The following FANCC variants were observed in gnomAD, a reference collection of about 807,000 sequenced individuals.
FANCC encodes Fanconi anemia group C protein.
A neutral mutation model predicts 71.3 loss-of-function variants in FANCC; 55 were observed. The ratio of observed to expected loss-of-function variants is 0.77; its 90% confidence interval spans 0.62 to 0.97. FANCC has a LOEUF of 0.97. Among genes scored for constraint, FANCC ranks in the 50% least tolerant of loss-of-function variants. FANCC has a pLI of 0.00. For synonymous variants in FANCC, 275 were observed against 244.9 expected (o/e 1.12, Z -1.15); for missense variants, 678 against 670.9 (o/e 1.01, Z -0.12).
chr9:95,151,094 C>T (rs1830144768), intron 6 of FANCC, among the ~76,000 whole-genome samples: 1 of 152,180 alleles, frequency 6.6e-6, no homozygotes, highest in Admixed American at 6.5e-5. Context: ...CAGAAAGCGC[C>T]ACTGGACACT....
At chr9:95,220,079 A>G (rs984066730) in intron 4 of FANCC, among the ~76,000 whole-genome samples, 1 of 152,246 alleles carries the variant, frequency 6.6e-6, no homozygotes, top group Admixed American at 6.5e-5. Flanking sequence ...ACACTTCTCA[A>G]AAGAACACAT....
chr9:95,190,521 T>C (rs1175566455), intron 4 of FANCC, among the ~76,000 whole-genome samples: 1 of 152,198 alleles, frequency 6.6e-6, no homozygotes, highest in Admixed American at 6.5e-5. Flanking sequence ...CTGGCTTCTA[T>C]CCCTACCAGT....
rs144075393 is a variant in FANCC, at chr9:95,203,440, C to T, written c.346-31293G>A. Reference sequence around the variant, plus strand: ...AGACAGTTCATTAAAACCTCGTAACCGCAGGCTAATTTCACTACATTTTAT... The same window carrying T: ...AGACAGTTCATTAAAACCTCGTAACTGCAGGCTAATTTCACTACATTTTAT... On this transcript the variant is annotated intron_variant, in intron 4 of 14. Coordinates refer to ENST00000289081, the MANE Select transcript of FANCC (RefSeq NM_000136.3). 6.0e-4 allele frequency among the ~76,000 whole-genome samples: 91 copies of T among 150,654 alleles called. 1 individual carries two copies. The highest frequency in any genetic ancestry group is 2.1e-3 in the African/African-American group (87 of 41,020).
At chr9:95,268,599 T>C (rs1588390125) in intron 1 of FANCC, among the ~76,000 whole-genome samples, 1 of 152,348 alleles carries the variant, frequency 6.6e-6, no homozygotes, top group East Asian at 1.9e-4. Flanking sequence ...GGAACTTTGA[T>C]TTGAGGAATC....
intron 6 of FANCC, among the ~76,000 whole-genome samples, chr9:95,158,968 A>G (rs1471208441): frequency 1.3e-5 from 2 of 152,248 alleles, no homozygotes; most frequent in African/African-American, 4.8e-5. Context: ...AACTAAGGAC[A>G]CGGATGTCCT....
chr9:95,224,770 G>C (rs1224263382), intron 4 of FANCC, among the ~76,000 whole-genome samples: 4 of 152,116 alleles, frequency 2.6e-5, no homozygotes, highest in Non-Finnish European at 5.9e-5. Flanking sequence ...CTCACTGGCA[G>C]AGCCAGGACA....
At chr9:95,265,257 G>T (rs994396348) in intron 1 of FANCC, among the ~76,000 whole-genome samples, 5 of 152,114 alleles carry the variant, frequency 3.3e-5, no homozygotes, top group African/African-American at 1.2e-4. Context: ...TTCAATCCAG[G>T]TGCAGAGTAT....
intron 4 of FANCC, among the ~76,000 whole-genome samples, chr9:95,200,364 G>A (rs375722187): frequency 6.6e-6 from 1 of 152,288 alleles, no homozygotes; most frequent in African/African-American, 2.4e-5. Context: ...AGTTGGTGAG[G>A]GAATTAATTG....
At chr9:95,201,944 T>C (rs1335530114) in intron 4 of FANCC, among the ~76,000 whole-genome samples, 1 of 152,210 alleles carries the variant, frequency 6.6e-6, no homozygotes, top group African/African-American at 2.4e-5. Context: ...TTCTATAAGA[T>C]ACACACTTAT....
In FANCC at chr9:95,316,580, C is replaced by G. The variant is rs976908779; in HGVS notation, c.-79+946G>C. On this transcript the variant is annotated intron_variant, in intron 1 of 14. Coordinates refer to ENST00000289081, the MANE Select transcript of FANCC (RefSeq NM_000136.3). ...CAGTTTAGATGCATTAAATGGGGCA[C>G]AAGTTAGAATAAAATCAGATGCCCG... is the stretch of plus-strand genomic sequence containing the variant. Among the ~76,000 whole-genome samples, 4 of 152,294 alleles carry G rather than the reference C, an allele frequency of 2.6e-5. No individual in the cohort carries two copies. The East Asian group carries it at 5.8e-4, about 22-fold the overall frequency.
chr9:95,139,642 G>A (rs931068607), intron 7 of FANCC, among the ~76,000 whole-genome samples: 1 of 151,812 alleles, frequency 6.6e-6, no homozygotes, highest in Non-Finnish European at 1.5e-5. Flanking sequence ...GCTCTGGAGT[G>A]ATGTGGCTAT....
At chr9:95,218,616 T>G (rs1829028524) in intron 4 of FANCC, among the ~76,000 whole-genome samples, 1 of 152,154 alleles carries the variant, frequency 6.6e-6, no homozygotes, top group African/African-American at 2.4e-5. Context: ...ATTACATGAC[T>G]AAATGGGGAC....
In FANCC at chr9:95,101,830, TATCTC is replaced by T. The variant is rs1554827159; in HGVS notation, c.1549_1553del (p.Glu517AsnfsTer9). The T allele has an allele frequency of 6.2e-7, 1 of 1,614,022 alleles. No individual in the cohort carries two copies. Among genetic ancestry groups the T allele is most frequent in the Non-Finnish European group, 8.5e-7 (1 of 1,179,986 alleles). On this transcript the variant is annotated frameshift_variant, in exon 15 of 15. Coordinates refer to ENST00000289081, the MANE Select transcript of FANCC (RefSeq NM_000136.3). LOFTEE classifies it low-confidence loss of function (END_TRUNC). ...CAAGAAAGCCAATGATCTCGTGAGT[TATCTC>T]AGCAGTGTGAGCCATCTGCAATCAG...
rs77415801 is a variant in FANCC, at chr9:95,171,613, C to T, written c.456+424G>A. Among the ~76,000 whole-genome samples the T allele has an allele frequency of 1.8e-3, 277 of 152,200 alleles. 2 individuals are homozygous for T. Among genetic ancestry groups the T allele is most frequent in the African/African-American group, 6.3e-3 (261 of 41,520 alleles). ...GGCTATAATTTAAGCCAGAAGAAAACAATGCTTTAATATTAAGAGGTAAAT... is the reference window on the plus strand; with the variant it reads ...GGCTATAATTTAAGCCAGAAGAAAATAATGCTTTAATATTAAGAGGTAAAT... On this transcript the variant is annotated intron_variant, in intron 5 of 14. Transcript: ENST00000289081.
chr9:95,207,971 T>C (rs1828240280), intron 4 of FANCC, among the ~76,000 whole-genome samples: 1 of 151,938 alleles, frequency 6.6e-6, no homozygotes, highest in Non-Finnish European at 1.5e-5. Flanking sequence ...AACTGTAGTA[T>C]TTCAGCCTAG....
intron 1 of FANCC, among the ~76,000 whole-genome samples, chr9:95,265,532 C>T (rs752563132): frequency 6.6e-6 from 1 of 152,170 alleles, no homozygotes; most frequent in Admixed American, 6.5e-5. Flanking sequence ...ACCAGCCTTC[C>T]CTCATGCATT....
rs1324051030 is a variant in FANCC, at chr9:95,099,087, A to AAAAT, written c.*2616_*2619dup. ...AAACTGAAGTTTTATTTAGAATGAA[A>AAAAT]AAATAGACAACAAATTACAGATTTT... On this transcript the variant is annotated 3_prime_UTR_variant, in exon 15 of 15. Coordinates refer to ENST00000289081, the MANE Select transcript of FANCC (RefSeq NM_000136.3). 3 of 193,714 alleles carry AAAAT rather than the reference A, an allele frequency of 1.5e-5. No homozygotes were observed. Among genetic ancestry groups the AAAAT allele is most frequent in the East Asian group, 1.6e-4 (2 of 12,276 alleles). The allele number at this position is 193,714 out of a possible 1,614,324, so 12.0% of individuals were successfully genotyped here.
At chr9:95,291,312 T>C (rs561087612) in intron 1 of FANCC, among the ~76,000 whole-genome samples, 3 of 151,998 alleles carry the variant, frequency 2.0e-5, no homozygotes, top group South Asian at 2.1e-4. Flanking sequence ...ACACAGTACA[T>C]AGAAAACCCT....
chr9:95,249,843 C>T (rs184373071), intron 1 of FANCC, among the ~76,000 whole-genome samples: 11 of 152,168 alleles, frequency 7.2e-5, no homozygotes, highest in Middle Eastern at 6.8e-3. Flanking sequence ...CTATGCATTA[C>T]TGTCTAACGA....
Sources: gnomAD v4.1 joint callset for allele counts (sites outside exome capture counted in the v4.1 genomes callset) on GRCh38, gnomAD v4.1.1 for gene constraint, MANE v1.5 for transcripts, NCBI Gene and HGNC (gene_info 2026-07-23, HGNC 2026-07-21) for gene names.